Variants in RASSF1 observed in about 807,000 individuals in gnomAD.
RASSF1 encodes the protein ras association domain-containing protein 1.
RASSF1 carries 33 observed loss-of-function variants against 34.3 expected under a neutral mutation model. The observed-to-expected ratio is 0.96, with a 90% CI of 0.73 to 1.29. The LOEUF is 1.29. Ranked by LOEUF, RASSF1 falls within the 50% of genes most tolerant of loss-of-function variation. The pLI is 0.00. For synonymous variants in RASSF1, 191 were observed against 195.0 expected (o/e 0.98, Z 0.17); for missense variants, 445 against 471.8 (o/e 0.94, Z 0.53).
chr3:50,337,830 G>T, intron 2 of RASSF1, 75 bp downstream of exon 2: 1 of 1,362,604 alleles, frequency 7.3e-7, no homozygotes. Context: ...GCGGCACCCA[G>T]GCAGCCCTCG....
chr3:50,336,197 G>A (rs1310926609), intron 2 of RASSF1, among the ~76,000 whole-genome samples: 1 of 152,222 alleles, frequency 6.6e-6, no homozygotes, highest in Non-Finnish European at 1.5e-5. Flanking sequence ...CAAGCTCTGG[G>A]CTAAGATTTT....
intron 2 of RASSF1, chr3:50,337,509 G>C (rs1703195771): frequency 2.0e-6 from 3 of 1,527,060 alleles, no homozygotes; most frequent in Non-Finnish European, 2.6e-6. Flanking sequence ...GCCGGGGCGG[G>C]GACACGCACG....
intron 1 of RASSF1, among the ~76,000 whole-genome samples, chr3:50,339,441 C>G (rs587621128): frequency 1.4e-5 from 2 of 147,554 alleles, no homozygotes. Context: ...TCTCGGCTCA[C>G]TGCAACCTCC....
chr3:50,336,341 CCT>C (rs1703134624), intron 2 of RASSF1: 1 of 152,144 alleles, frequency 6.6e-6, no homozygotes, highest in African/African-American at 2.4e-5. Flanking sequence ...CTTCACAGTC[CCT>C]GTTTCTTTTT....
chr3:50,338,170 T>C (rs1703233787), intron 1 of RASSF1, 159 bp from the exon 2 acceptor site: 25 of 1,413,112 alleles, frequency 1.8e-5, no homozygotes, highest in Non-Finnish European at 2.2e-5. Flanking sequence ...ACTCTAATGT[T>C]GGCCACCTGG....
intron 2 of RASSF1, 32 bp downstream of exon 2, chr3:50,337,873 C>T (rs1703217023): frequency 6.5e-7 from 1 of 1,539,062 alleles, no homozygotes; most frequent in African/African-American, 1.4e-5. Flanking sequence ...CCCATCCTCG[C>T]CCTTCCCATA....
At chr3:50,337,396 G>C (rs1703189844) in intron 2 of RASSF1, 2 of 1,590,276 alleles carry the variant, frequency 1.3e-6, no homozygotes, top group Admixed American at 3.4e-5. Flanking sequence ...GTGCGTGTAC[G>C]CGTGTCAGTG....
rs773246453 is a variant in RASSF1, at chr3:50,340,537, G to C, written c.250+19C>G. On this transcript the variant is annotated intron_variant, in intron 1 of 5. Transcript: ENST00000359365. The stretch of plus-strand genomic sequence containing the variant: ...GGCTGCCCCTTCCGCTCTCGTAGGC[G>C]CGCGGGGCCACTACTCACGCGCGCA... The C allele has an allele frequency of 1.2e-4, 183 of 1,469,348 alleles. No homozygotes were observed. The highest frequency in any genetic ancestry group is 1.6e-4 in the Non-Finnish European group (174 of 1,119,072). The allele number at this position is 1,469,348 out of a possible 1,614,324, so 91.0% of individuals were successfully genotyped here.
At chr3:50,333,698 T>C (rs1288812187) in intron 2 of RASSF1, among the ~76,000 whole-genome samples, 1 of 152,206 alleles carries the variant, frequency 6.6e-6, no homozygotes, top group Non-Finnish European at 1.5e-5. Flanking sequence ...CAGGTTGGTC[T>C]TGAACTCCTG....
intron 2 of RASSF1, among the ~76,000 whole-genome samples, chr3:50,332,833 G>A (rs192477787): frequency 1.3e-5 from 2 of 151,992 alleles, no homozygotes; most frequent in Admixed American, 6.6e-5. Context: ...GTTGGCTCAC[G>A]CCTGTAATTC....
chr3:50,340,432 G>T, intron 1 of RASSF1, 124 bp downstream of exon 1: 1 of 1,281,178 alleles, frequency 7.8e-7, no homozygotes, highest in Non-Finnish European at 1.0e-6. Context: ...TGGGGCGAAA[G>T]TAACGGACCT....
Position 50,330,833 on chromosome 3 carries a change from G to C in RASSF1, c.877-106C>G. 4.6e-6 allele frequency: 6 copies of C among 1,291,452 alleles called. No individual in the cohort carries two copies. The highest frequency in any genetic ancestry group is 6.3e-6 in the Non-Finnish European group (6 of 945,542). The allele number at this position is 1,291,452 out of a possible 1,614,324, so 80.0% of individuals were successfully genotyped here. On this transcript the variant is annotated intron_variant, in intron 5 of 5. Transcript: ENST00000359365. This position sits in a 1 kb window ranked among gnomAD's most constrained non-coding sequence, Gnocchi z 4.5. ...CTCATGTTCACACAAGCTAGGACTG[G>C]GCTTTCTGATGTCAGGCTCTTGGCT...
In RASSF1 at chr3:50,335,266, C is replaced by CT. The variant is rs201008830; in HGVS notation, c.357+2638dup. Among the ~76,000 whole-genome samples, 517 of 143,390 alleles carry CT rather than the reference C, an allele frequency of 3.6e-3. 6 individuals carry two copies. The highest frequency in any genetic ancestry group is 0.012 in the African/African-American group (459 of 38,710). 94.1% of individuals were successfully genotyped at this position (143,390 alleles called of 152,430 possible). A position where few individuals can be genotyped will look rare whatever the true frequency, so the allele number is the denominator to read the frequency against. On this transcript the variant is annotated intron_variant, in intron 2 of 5. Coordinates refer to ENST00000359365, the MANE Select transcript of RASSF1 (RefSeq NM_007182.5). ...CCTGGCCTAAAACTGATGTTTTTTT[C>CT]TTTTTTTTTAACATATAACTTGGGA...
intron 2 of RASSF1, among the ~76,000 whole-genome samples, chr3:50,333,094 CAAA>C (rs201713583): frequency 7.1e-6 from 1 of 141,270 alleles, no homozygotes; most frequent in South Asian, 2.2e-4. Context: ...AACTCGGTCT[CAAA>C]AAAAAAAAAA....
In RASSF1 at chr3:50,330,659, G is replaced by A; in HGVS notation, c.945C>T (p.His315=). The A allele has an allele frequency of 4.3e-6, 7 of 1,614,098 alleles. No homozygotes were observed. The highest frequency in any genetic ancestry group is 5.9e-6 in the Non-Finnish European group (7 of 1,179,992). ...AGTACTTCTGCAGGATCTGGCGGAG[G>A]TGCTCCTCCTCCTCCCGCTGCAGGA... ...LRILQREEEE[H]LRQILQKYSY... is the part of the protein sequence containing the mutation. Residue 315 remains histidine, a synonymous_variant, in exon 6 of 6, where the codon CAC becomes CAT. Coordinates refer to ENST00000359365, the MANE Select transcript of RASSF1 (RefSeq NM_007182.5). This position sits in a 1 kb window ranked among gnomAD's most constrained non-coding sequence, Gnocchi z 4.5.
intron 2 of RASSF1, among the ~76,000 whole-genome samples, chr3:50,332,443 T>C (rs994893913): frequency 2.0e-5 from 3 of 152,200 alleles, no homozygotes; most frequent in Non-Finnish European, 4.4e-5. Flanking sequence ...TGAAGGCACA[T>C]GGCCAGGGGC....
At chr3:50,337,801 A>T in intron 2 of RASSF1, 104 bp downstream of exon 2, 1 of 1,207,200 alleles carries the variant, frequency 8.3e-7, no homozygotes, top group Non-Finnish European at 1.2e-6. Context: ...GAAATCGGCA[A>T]TTAGAACGCT....
chr3:50,337,753 C>T (rs1703211277), intron 2 of RASSF1, 152 bp downstream of exon 2: 3 of 932,018 alleles, frequency 3.2e-6, no homozygotes, highest in African/African-American at 3.4e-5. Flanking sequence ...GGCTCCCCTC[C>T]CAGCCCCCGC....
At chr3:50,334,420 A>C (rs181500047) in intron 2 of RASSF1, among the ~76,000 whole-genome samples, 14 of 152,322 alleles carry the variant, frequency 9.2e-5, no homozygotes, top group Middle Eastern at 3.4e-3. Context: ...TGGGCCCTGG[A>C]AAATGAGGGC....
Sources: gnomAD v4.1 joint callset for allele counts (sites outside exome capture counted in the v4.1 genomes callset) on GRCh38, gnomAD v4.1.1 for gene constraint, Gnocchi (gnomAD v3.1) non-coding constraint, MANE v1.5 for transcripts, NCBI Gene and HGNC (gene_info 2026-07-23, HGNC 2026-07-21) for gene names.